PRKD1: variants seen among roughly 807,000 people sequenced by gnomAD.
PRKD1 encodes the protein protein kinase D1, also known as serine/threonine-protein kinase D1.
A neutral mutation model predicts 95.9 loss-of-function variants in PRKD1; 63 were observed. The observed-to-expected ratio is 0.66, with a 90% CI of 0.54 to 0.81. PRKD1 has a LOEUF of 0.81. PRKD1 is among the 30% of genes least tolerant of loss of function. The probability of loss-of-function intolerance (pLI) is 0.00; values close to 1 mark genes in which losing one functional copy is unlikely to be tolerated. For missense variants in PRKD1, 1,048 were observed against 1,165.3 expected, an observed-to-expected ratio of 0.90 and a Z score of 1.47; for synonymous variants, 425 against 423.1, an observed-to-expected ratio of 1.00 and a Z score of -0.05.
At chr14:29,734,509 C>G (rs1886625176) in intron 1 of PRKD1, among the ~76,000 whole-genome samples, 1 of 152,086 alleles carries the variant, frequency 6.6e-6, no homozygotes. Context: ...TTTGTTAGGA[C>G]AGCTCTATAG....
At position 29,599,037 on chromosome 14, in the gene PRKD1, G is replaced by T; in HGVS notation, c.2156C>A (p.Pro719His). The stretch of plus-strand genomic sequence containing the variant: ...GGCTTTTATACTTGCCTGAGGAAAA[G>T]GATCAGCTGAGGCTAGCAACACATT... ...PENVLLASADPFPQVKLCDFG... is the reference protein window; with the variant it reads ...PENVLLASADHFPQVKLCDFG... The change falls in exon 15 of 18, where the codon CCT becomes CAT. Residue 719 changes from proline (P) to histidine (H), a missense_variant. By Grantham distance (77) the Pro-to-His change is moderately conservative. Around this residue, in one of 3 missense-constraint regions of PRKD1, gnomAD observed 739 missense variants for 861.9 expected, o/e 0.86. Coordinates refer to ENST00000331968, the MANE Select transcript of PRKD1 (RefSeq NM_002742.3). 1 of 1,612,612 alleles carries T rather than the reference G, an allele frequency of 6.2e-7. No individual in the cohort carries two copies. The highest frequency in any genetic ancestry group is 8.5e-7 in the Non-Finnish European group (1 of 1,178,752).
At chr14:29,632,780 G>A in intron 9 of PRKD1, 89 bp downstream of exon 9, 1 of 1,207,610 alleles carries the variant, frequency 8.3e-7, no homozygotes, top group Non-Finnish European at 1.2e-6. Context: ...AGCCACGTTT[G>A]TTGGATGTAT....
chr14:29,827,732 G>T (rs1891254424), intron 1 of PRKD1, among the ~76,000 whole-genome samples: 1 of 152,092 alleles, frequency 6.6e-6, no homozygotes, highest in Admixed American at 6.6e-5. Context: ...ATATTCTCTG[G>T]TTTCCCATTC....
At chr14:29,634,345 C>T (rs1880221901) in intron 8 of PRKD1, 73 bp downstream of exon 8, 4 of 1,606,780 alleles carry the variant, frequency 2.5e-6, no homozygotes, top group Non-Finnish European at 1.7e-6. Flanking sequence ...ATCTCACAGT[C>T]CTCACGGGAC....
intron 2 of PRKD1, among the ~76,000 whole-genome samples, chr14:29,720,085 G>A (rs538332549): frequency 6.2e-4 from 95 of 152,298 alleles, no homozygotes; most frequent in African/African-American, 2.1e-3. Context: ...ATAAGCATAC[G>A]CATCACATTT....
intron 1 of PRKD1, among the ~76,000 whole-genome samples, chr14:29,795,054 T>G (rs1467367505): frequency 6.6e-6 from 1 of 152,110 alleles, no homozygotes; most frequent in Non-Finnish European, 1.5e-5. Flanking sequence ...CTTTTCGTGT[T>G]TTCATTTATA....
chr14:29,692,575 T>C (rs1884298198), intron 2 of PRKD1, among the ~76,000 whole-genome samples: 1 of 152,052 alleles, frequency 6.6e-6, no homozygotes, highest in African/African-American at 2.4e-5. Context: ...TAAAACTGTT[T>C]GGTAAGAGGG....
intron 1 of PRKD1, among the ~76,000 whole-genome samples, chr14:29,889,499 T>A (rs1429922138): frequency 2.6e-5 from 4 of 152,056 alleles, no homozygotes; most frequent in Non-Finnish European, 4.4e-5. Context: ...TGACTGTCCA[T>A]CAATAATAGA....
intron 1 of PRKD1, among the ~76,000 whole-genome samples, chr14:29,820,211 G>T (rs768555785): frequency 1.3e-5 from 2 of 152,122 alleles, no homozygotes; most frequent in African/African-American, 4.8e-5. Context: ...GCTACTACCC[G>T]GGTGGTCTGA....
chr14:29,831,128 A>G (rs1192902751), intron 1 of PRKD1, among the ~76,000 whole-genome samples: 1 of 152,232 alleles, frequency 6.6e-6, no homozygotes, highest in Non-Finnish European at 1.5e-5. Context: ...GATACTTGCC[A>G]GGCACAGAGT....
chr14:29,858,600 T>C (rs1042715663), intron 1 of PRKD1, among the ~76,000 whole-genome samples: 2 of 152,168 alleles, frequency 1.3e-5, no homozygotes, highest in African/African-American at 4.8e-5. Context: ...GTCATGATAC[T>C]GGTTACTGTC....
intron 1 of PRKD1, among the ~76,000 whole-genome samples, chr14:29,843,131 A>G (rs1207513567): frequency 1.3e-5 from 2 of 152,202 alleles, no homozygotes; most frequent in African/African-American, 2.4e-5. Context: ...AGAGGCAATT[A>G]AGGTAAATGG....
chr14:29,774,789 C>T (rs184832762), intron 1 of PRKD1, among the ~76,000 whole-genome samples: 47 of 152,214 alleles, frequency 3.1e-4, no homozygotes, highest in African/African-American at 8.4e-4. Context: ...AAGAGGATAA[C>T]GGCTCACATT....
chr14:29,643,775 TA>T (rs1232581289), intron 4 of PRKD1, among the ~76,000 whole-genome samples: 1 of 152,182 alleles, frequency 6.6e-6, no homozygotes, highest in Non-Finnish European at 1.5e-5. Context: ...GTCACTTGCG[TA>T]AAAAATCAAA....
Position 29,883,750 on chromosome 14 carries a change from C to T in PRKD1, c.264+43499G>A, listed in dbSNP as rs8015501. Among the ~76,000 whole-genome samples the T allele has an allele frequency of 9.5e-4, 145 of 152,290 alleles. 3 individuals are homozygous for T. The highest frequency in any genetic ancestry group is 3.4e-3 in the African/African-American group (140 of 41,548). On this transcript the variant is annotated intron_variant, in intron 1 of 17. Transcript: ENST00000331968. Reference sequence around the variant, plus strand: ...ATGTACCTGAGATTTGCCACCTAAACTCATAGTCCAGAGACCCCCAAGATT... The same window carrying T: ...ATGTACCTGAGATTTGCCACCTAAATTCATAGTCCAGAGACCCCCAAGATT...
At chr14:29,853,556 T>C (rs1208373283) in intron 1 of PRKD1, among the ~76,000 whole-genome samples, 1 of 152,250 alleles carries the variant, frequency 6.6e-6, no homozygotes, top group Non-Finnish European at 1.5e-5. Context: ...GATGAAATCA[T>C]GCATGAACCA....
intron 13 of PRKD1, among the ~76,000 whole-genome samples, chr14:29,600,924 A>C (rs938302893): frequency 1.3e-5 from 2 of 152,204 alleles, no homozygotes; most frequent in Admixed American, 1.3e-4. Context: ...TAACATTAAA[A>C]AAAAATTATA....
chr14:29,915,436 A>C (rs772047280), intron 1 of PRKD1, among the ~76,000 whole-genome samples: 1 of 152,230 alleles, frequency 6.6e-6, no homozygotes. Flanking sequence ...AAGGGTGAGG[A>C]GTATCTTTAA....
chr14:29,874,112 C>T (rs1396699224), intron 1 of PRKD1, among the ~76,000 whole-genome samples: 1 of 152,056 alleles, frequency 6.6e-6, no homozygotes, highest in Admixed American at 6.6e-5. Context: ...CACATGTATC[C>T]TGAATAATCA....
Sources: gnomAD v4.1 joint callset for allele counts (sites outside exome capture counted in the v4.1 genomes callset) on GRCh38, gnomAD v4.1.1 for gene constraint, gnomAD v4.1.1 regional missense constraint, MANE v1.5 for transcripts, NCBI Gene and HGNC (gene_info 2026-07-23, HGNC 2026-07-21) for gene names.